EPB41L4A: variants seen among roughly 807,000 people sequenced by gnomAD.
EPB41L4A encodes the protein erythrocyte membrane protein band 4.1 like 4A, also known as band 4.1-like protein 4A.
EPB41L4A carries 100 observed loss-of-function variants against 108.6 expected under a neutral mutation model. The observed-to-expected ratio is 0.92, with a 90% confidence interval of 0.78 to 1.09. The LOEUF (loss-of-function observed/expected upper bound fraction) is 1.09, where lower values mean the gene tolerates loss of function less well. Among genes scored for constraint, EPB41L4A ranks in the 50% least tolerant of loss-of-function variants. The pLI is 0.00. For missense variants in EPB41L4A, 1,030 were observed against 842.7 expected (o/e 1.22, Z -2.75); for synonymous variants, 319 against 289.0 (o/e 1.10, Z -1.05).
At chr5:112,246,939 G>A (rs1750279995) in intron 9 of EPB41L4A, among the ~76,000 whole-genome samples, 1 of 152,146 alleles carries the variant, frequency 6.6e-6, no homozygotes, top group Non-Finnish European at 1.5e-5. Context: ...GCATAGACCT[G>A]TCTCCCTGGC....
In EPB41L4A at chr5:112,162,713, A is replaced by T. The variant is rs544097675; in HGVS notation, c.*2277T>A. ...ACAGTTCTTCCCTTTGGAAACATAGATAAGTGGAGGGAATGTCATCACAAA... is the reference window on the plus strand; with the variant it reads ...ACAGTTCTTCCCTTTGGAAACATAGTTAAGTGGAGGGAATGTCATCACAAA... On this transcript the variant is annotated 3_prime_UTR_variant, in exon 23 of 23. Transcript: ENST00000261486. 1 of 152,230 alleles carries T rather than the reference A, an allele frequency of 6.6e-6. No homozygotes were observed. Among genetic ancestry groups the T allele is most frequent in the Non-Finnish European group, 1.5e-5 (1 of 68,044 alleles). The allele number at this position is 152,230 out of a possible 1,614,324, so 9.4% of individuals were successfully genotyped here.
intron 1 of EPB41L4A, among the ~76,000 whole-genome samples, chr5:112,340,340 T>C (rs948417022): frequency 2.0e-5 from 3 of 152,188 alleles, no homozygotes; most frequent in South Asian, 2.1e-4. Context: ...GAGCTCCTAA[T>C]TCAGCTGATC....
chr5:112,297,318 T>C (rs7714295), intron 2 of EPB41L4A, among the ~76,000 whole-genome samples: 10,518 of 152,262 alleles, frequency 0.069, 438 homozygotes, highest in Middle Eastern at 0.088. Context: ...TTTTATTTTT[T>C]TGATAATGGC....
At chr5:112,354,424 T>A (rs1276223809) in intron 1 of EPB41L4A, among the ~76,000 whole-genome samples, 1 of 152,126 alleles carries the variant, frequency 6.6e-6, no homozygotes, top group African/African-American at 2.4e-5. Context: ...CAGATAGTGA[T>A]AAGACAAGAA....
chr5:112,259,183 A>T (rs1377144394), intron 9 of EPB41L4A, 46 bp downstream of exon 9: 1 of 1,422,274 alleles, frequency 7.0e-7, no homozygotes, highest in Admixed American at 1.7e-5. Flanking sequence ...AAATGAACAC[A>T]CAAGACACCC....
At chr5:112,315,463 C>A (rs548725539) in intron 1 of EPB41L4A, among the ~76,000 whole-genome samples, 12 of 152,172 alleles carry the variant, frequency 7.9e-5, no homozygotes, top group African/African-American at 1.4e-4. Context: ...ATAAATTGAA[C>A]CTTTCTTCCT....
chr5:112,252,970 G>C (rs554604947), intron 9 of EPB41L4A, among the ~76,000 whole-genome samples: 1 of 152,134 alleles, frequency 6.6e-6, no homozygotes, highest in Non-Finnish European at 1.5e-5. Flanking sequence ...GGAATGCTGA[G>C]GGCTGACTCA....
intron 1 of EPB41L4A, among the ~76,000 whole-genome samples, chr5:112,416,802 T>G (rs1410955871): frequency 6.6e-6 from 1 of 152,224 alleles, no homozygotes; most frequent in Admixed American, 6.5e-5. Context: ...CATAAACATG[T>G]TCATCCAATG....
intron 12 of EPB41L4A, among the ~76,000 whole-genome samples, chr5:112,232,851 C>G (rs1749053492): frequency 1.3e-5 from 2 of 152,176 alleles, no homozygotes; most frequent in African/African-American, 4.8e-5. Flanking sequence ...TGCCCCACCT[C>G]ACAGGGTGAG....
Position 112,419,227 on chromosome 5 carries a change from A to AGCCCGGGAGAGTCAGC in EPB41L4A, c.-204_-189dup. The AGCCCGGGAGAGTCAGC allele has an allele frequency of 2.2e-6, 1 of 450,554 alleles. No individual in the cohort carries two copies. The highest frequency in any genetic ancestry group is 3.9e-6 in the Non-Finnish European group (1 of 254,642). The allele number at this position is 450,554 out of a possible 1,614,324, so 27.9% of individuals were successfully genotyped here. A position where few individuals can be genotyped will look rare whatever the true frequency, so the allele number is the denominator to read the frequency against. ...GGGGCGGGAGCGAGAAAGGCGGAAA[A>AGCCCGGGAGAGTCAGC]GCCCGGGAGAGTCAGCGCCCGGGAG... On this transcript the variant is annotated 5_prime_UTR_variant, in exon 1 of 23. Transcript: ENST00000261486.
At chr5:112,277,315 C>A (rs577008789) in intron 3 of EPB41L4A, among the ~76,000 whole-genome samples, 1 of 152,150 alleles carries the variant, frequency 6.6e-6, no homozygotes, top group Non-Finnish European at 1.5e-5. Flanking sequence ...ACCAAGCCCA[C>A]GCATTTCAAA....
chr5:112,173,269 G>C (rs890840152), intron 18 of EPB41L4A, among the ~76,000 whole-genome samples: 1 of 152,120 alleles, frequency 6.6e-6, no homozygotes, highest in Non-Finnish European at 1.5e-5. Flanking sequence ...ATCATGTGAG[G>C]GCATGCAATT....
chr5:112,263,330 G>A (rs1751628202), intron 6 of EPB41L4A: 1 of 152,134 alleles, frequency 6.6e-6, no homozygotes, highest in Non-Finnish European at 1.5e-5. Flanking sequence ...AAATCCTGCA[G>A]TGACATATTT....
At chr5:112,342,612 G>C (rs530299151) in intron 1 of EPB41L4A, among the ~76,000 whole-genome samples, 3 of 152,072 alleles carry the variant, frequency 2.0e-5, no homozygotes, top group African/African-American at 4.8e-5. Flanking sequence ...GTTCCTAGTC[G>C]AGCAAGAGCA....
chr5:112,224,107 G>T (rs1025035496), intron 12 of EPB41L4A, among the ~76,000 whole-genome samples: 1 of 152,048 alleles, frequency 6.6e-6, no homozygotes, highest in Non-Finnish European at 1.5e-5. Flanking sequence ...GCCTGCCACT[G>T]CGTCCGGCTA....
At chr5:112,200,752 A>G (rs1762179866) in intron 15 of EPB41L4A, among the ~76,000 whole-genome samples, 1 of 152,176 alleles carries the variant, frequency 6.6e-6, no homozygotes, top group Non-Finnish European at 1.5e-5. Flanking sequence ...GCAGATGTTT[A>G]TATGTATTTA....
At chr5:112,335,757 T>C (rs1006558820) in intron 1 of EPB41L4A, among the ~76,000 whole-genome samples, 1 of 152,174 alleles carries the variant, frequency 6.6e-6, no homozygotes, top group Admixed American at 6.5e-5. Context: ...CATCTTCTGG[T>C]TTAAAATTCT....
At chr5:112,221,449 G>C (rs1240899758) in intron 12 of EPB41L4A, among the ~76,000 whole-genome samples, 1 of 152,140 alleles carries the variant, frequency 6.6e-6, no homozygotes, top group Admixed American at 6.5e-5. Context: ...CTGTGATCTT[G>C]GACAAGTTAT....
At chr5:112,412,677 G>A (rs892296879) in intron 1 of EPB41L4A, among the ~76,000 whole-genome samples, 8 of 152,300 alleles carry the variant, frequency 5.3e-5, no homozygotes, top group African/African-American at 1.4e-4. Flanking sequence ...ACAAACGGTG[G>A]TTAGTCATCA....
Sources: gnomAD v4.1 joint callset for allele counts (sites outside exome capture counted in the v4.1 genomes callset) on GRCh38, gnomAD v4.1.1 for gene constraint, MANE v1.5 for transcripts, NCBI Gene and HGNC (gene_info 2026-07-23, HGNC 2026-07-21) for gene names.